The following DPYD variants were observed in gnomAD, a reference collection of about 807,000 sequenced individuals.
The protein encoded by DPYD is dihydropyrimidine dehydrogenase, also known as dihydropyrimidine dehydrogenase [NADP(+)].
In DPYD, 109 loss-of-function variants were observed where a neutral mutation model predicts 116.2. That is an observed-to-expected ratio of 0.94 (90% CI 0.80 to 1.10). The LOEUF (loss-of-function observed/expected upper bound fraction) is 1.10, where lower values mean the gene tolerates loss of function less well. Among genes scored for constraint, DPYD ranks in the 50% least tolerant of loss-of-function variants. DPYD has a pLI of 0.00. For missense variants in DPYD, 1,302 were observed against 1,254.5 expected, an observed-to-expected ratio of 1.04 and a Z score of -0.57; for synonymous variants, 440 against 432.0, an observed-to-expected ratio of 1.02 and a Z score of -0.23.
At chr1:97,614,321 C>T (rs1231621101) in intron 8 of DPYD, among the ~76,000 whole-genome samples, 1 of 151,978 alleles carries the variant, frequency 6.6e-6, no homozygotes. Context: ...ATCAATGTTT[C>T]TGATGAATAA....
intron 13 of DPYD, among the ~76,000 whole-genome samples, chr1:97,498,566 A>G (rs2811186): frequency 0.61 from 92,366 of 151,158 alleles, 28,401 homozygotes; most frequent in East Asian, 0.75. Context: ...CTCAACAGAT[A>G]ATTGCATAAA....
chr1:97,315,792 C>T lies in DPYD; in HGVS notation c.2059-9495G>A, dbSNP rs370198659. On this transcript the variant is annotated intron_variant, in intron 16 of 22. Transcript: ENST00000370192. ...TGGAATGTCCTGAATACAGTTAAGCCTTGTTGGTGACCTACCCAGCAATAG... is the reference window on the plus strand; with the variant it reads ...TGGAATGTCCTGAATACAGTTAAGCTTTGTTGGTGACCTACCCAGCAATAG... Among the ~76,000 whole-genome samples the T allele has an allele frequency of 3.9e-5, 6 of 152,042 alleles. No individual in the cohort carries two copies. The East Asian group carries it at 1.2e-3, about 30-fold the overall frequency.
In DPYD at chr1:97,216,445, G is replaced by A. The variant is rs560836173; in HGVS notation, c.2442+18407C>T. Among the ~76,000 whole-genome samples the A allele has an allele frequency of 3.0e-4, 45 of 152,214 alleles. No homozygotes were observed. In the South Asian group the frequency reaches 8.9e-3, roughly 30 times the overall value. ...TGATGACGTGTTTTTCTTTCCAAGA[G>A]CAAACTTTTAAAATATGAGTAAACG... On this transcript the variant is annotated intron_variant, in intron 19 of 22. Transcript: ENST00000370192.
At chr1:97,248,473 C>G (rs888514028) in intron 18 of DPYD, among the ~76,000 whole-genome samples, 7 of 152,154 alleles carry the variant, frequency 4.6e-5, no homozygotes, top group African/African-American at 1.7e-4. Flanking sequence ...TCCAATTAAA[C>G]CTCTTTCTTT....
chr1:97,213,167 G>A (rs1049381195), intron 19 of DPYD, among the ~76,000 whole-genome samples: 1 of 152,016 alleles, frequency 6.6e-6, no homozygotes, highest in African/African-American at 2.4e-5. Flanking sequence ...CTTACCAAAG[G>A]CCTATCTCTT....
intron 14 of DPYD, among the ~76,000 whole-genome samples, chr1:97,382,932 C>T (rs12568621): frequency 0.26 from 39,387 of 151,990 alleles, 5,346 homozygotes; most frequent in South Asian, 0.42. Flanking sequence ...CACTATAGTA[C>T]ACATAATAAT....
chr1:97,164,864 G>T (rs1201807914), intron 20 of DPYD, among the ~76,000 whole-genome samples: 1 of 146,350 alleles, frequency 6.8e-6, no homozygotes, highest in Non-Finnish European at 1.5e-5. Context: ...ACAACGTACA[G>T]ATTCTTTTTT....
At chr1:97,896,456 T>C (rs1238271583) in intron 1 of DPYD, among the ~76,000 whole-genome samples, 2 of 151,940 alleles carry the variant, frequency 1.3e-5, no homozygotes, top group African/African-American at 2.4e-5. Context: ...TCTTTGTGCA[T>C]TGTTAGGTTT....
intron 18 of DPYD, among the ~76,000 whole-genome samples, chr1:97,261,504 TTTTTTTTTTTTTA>T (rs1302401786): frequency 5.9e-5 from 5 of 84,584 alleles, no homozygotes; most frequent in Non-Finnish European, 1.3e-4. Context: ...TTTTTTTTTT[TTTTTTTTTTTTTA>T]AAAAAGAACG....
intron 4 of DPYD, among the ~76,000 whole-genome samples, chr1:97,724,358 GTGTGTGTA>G (rs1663115241): frequency 8.1e-4 from 98 of 120,304 alleles, no homozygotes; most frequent in African/African-American, 3.2e-3. Context: ...GTGTGTGTGT[GTGTGTGTA>G]TGAGATTTAT....
At chr1:97,505,715 T>C (rs1232901441) in intron 13 of DPYD, among the ~76,000 whole-genome samples, 5 of 151,918 alleles carry the variant, frequency 3.3e-5, no homozygotes, top group Non-Finnish European at 7.4e-5. Flanking sequence ...TAAAAGGACA[T>C]TATAAGAGCT....
intron 1 of DPYD, among the ~76,000 whole-genome samples, chr1:97,915,765 A>C (rs1172483319): frequency 6.6e-6 from 1 of 152,172 alleles, no homozygotes; most frequent in Non-Finnish European, 1.5e-5. Context: ...TCTGCAACAT[A>C]TTTGTCATGC....
intron 20 of DPYD, among the ~76,000 whole-genome samples, chr1:97,166,898 A>C (rs1266362308): frequency 6.6e-6 from 1 of 152,230 alleles, no homozygotes; most frequent in East Asian, 1.9e-4. Flanking sequence ...AGATACAGGA[A>C]TATTATCAAA....
At chr1:97,359,167 C>A (rs1670584695) in intron 16 of DPYD, among the ~76,000 whole-genome samples, 2 of 152,084 alleles carry the variant, frequency 1.3e-5, no homozygotes, top group South Asian at 2.1e-4. Flanking sequence ...GTGACACATG[C>A]ACAAGCTTCA....
At chr1:97,468,651 A>G (rs990820833) in intron 13 of DPYD, among the ~76,000 whole-genome samples, 3 of 152,230 alleles carry the variant, frequency 2.0e-5, no homozygotes, top group African/African-American at 7.2e-5. Context: ...TTACAAATGT[A>G]AAAATCATTC....
At chr1:97,824,161 C>G (rs1309464690) in intron 3 of DPYD, among the ~76,000 whole-genome samples, 1 of 152,066 alleles carries the variant, frequency 6.6e-6, no homozygotes, top group Non-Finnish European at 1.5e-5. Flanking sequence ...GTTGGGCTTT[C>G]TAGGTATAAA....
intron 4 of DPYD, among the ~76,000 whole-genome samples, chr1:97,735,685 C>CATAA (rs5776378): frequency 0.052 from 6,892 of 133,766 alleles, 249 homozygotes; most frequent in African/African-American, 0.093. Context: ...AAGACTCTGT[C>CATAA]ATAAATAAAT....
chr1:97,868,053 A>C lies in DPYD; in HGVS notation c.150+15211T>G, dbSNP rs1485365287. On this transcript the variant is annotated intron_variant, in intron 2 of 22. Coordinates refer to ENST00000370192, the MANE Select transcript of DPYD (RefSeq NM_000110.4). ...AATACAAAATCAACATACTAAATTC[A>C]GTAACATATCTACACATTAACAATA... 4.6e-5 allele frequency among the ~76,000 whole-genome samples: 7 copies of C among 151,760 alleles called. No individual in the cohort carries two copies. In the East Asian group the frequency reaches 1.4e-3, roughly 29 times the overall value.
intron 8 of DPYD, among the ~76,000 whole-genome samples, chr1:97,662,690 A>T (rs1426381215): frequency 1.3e-5 from 2 of 151,924 alleles, no homozygotes; most frequent in African/African-American, 4.8e-5. Context: ...ATGTGGACTA[A>T]CCTTTTTTTG....
Sources: gnomAD v4.1 joint callset for allele counts (sites outside exome capture counted in the v4.1 genomes callset) on GRCh38, gnomAD v4.1.1 for gene constraint, MANE v1.5 for transcripts, NCBI Gene and HGNC (gene_info 2026-07-23, HGNC 2026-07-21) for gene names.